Variants in GPC3 observed in about 807,000 individuals in gnomAD.
GPC3 encodes the protein glypican 3, also known as glypican-3.
In GPC3, 3 loss-of-function variants were observed where a neutral mutation model predicts 34.4. The ratio of observed to expected loss-of-function variants is 0.09; its 90% CI spans 0.04 to 0.23. The LOEUF is 0.23. GPC3 is among the 10% of genes least tolerant of loss of function. The probability of loss-of-function intolerance (pLI) is 1.00; values close to 1 mark genes in which losing one functional copy is unlikely to be tolerated. For synonymous variants in GPC3, 177 were observed against 174.0 expected (o/e 1.02, Z -0.13); for missense variants, 351 against 445.6 (o/e 0.79, Z 1.91).
intron 2 of GPC3, among the ~76,000 whole-genome samples, chrX:133,844,928 G>A (rs959919367): frequency 9.0e-6 from 1 of 111,679 alleles, no homozygotes; most frequent in African/African-American, 3.3e-5. Context: ...TCAGCTGGTG[G>A]GAGCTATAGA....
chrX:133,572,370 T>A (rs991641317), intron 7 of GPC3, among the ~76,000 whole-genome samples: 1 of 111,224 alleles, frequency 9.0e-6, no homozygotes, highest in Non-Finnish European at 1.9e-5. Context: ...ATGGCTATGA[T>A]CACCTACATT....
intron 7 of GPC3, among the ~76,000 whole-genome samples, chrX:133,577,309 C>T (rs2069692979): frequency 8.9e-6 from 1 of 112,200 alleles, no homozygotes; most frequent in Admixed American, 9.5e-5. Flanking sequence ...ATAAACACGG[C>T]ATGAGAAAGC....
At chrX:133,834,599 G>T (rs1478635518) in intron 2 of GPC3, among the ~76,000 whole-genome samples, 15 of 111,934 alleles carry the variant, frequency 1.3e-4, no homozygotes, top group Non-Finnish European at 7.5e-5. Context: ...AAGTGGGCAT[G>T]ATAGCTAGAT....
intron 2 of GPC3, among the ~76,000 whole-genome samples, chrX:133,862,691 A>AAATAATAATAAT (rs770674766): frequency 3.7e-5 from 4 of 107,985 alleles, no homozygotes; most frequent in African/African-American, 6.8e-5. Flanking sequence ...CTCCATCTCA[A>AAATAATAATAAT]AATAATAATA....
chrX:133,544,924 G>A (rs1361064493), intron 7 of GPC3, among the ~76,000 whole-genome samples: 1 of 111,459 alleles, frequency 9.0e-6, no homozygotes, highest in African/African-American at 3.3e-5. Context: ...TGTGGGTAAT[G>A]TGGGTGGTGG....
chrX:133,958,880 C>T (rs1382992174), intron 1 of GPC3, among the ~76,000 whole-genome samples: 4 of 99,668 alleles, frequency 4.0e-5, no homozygotes, highest in South Asian at 9.7e-4. Context: ...AGTGAGACTT[C>T]GTCTCGAAAA....
At chrX:133,841,725 G>A (rs1244123712) in intron 2 of GPC3, among the ~76,000 whole-genome samples, 1 of 111,980 alleles carries the variant, frequency 8.9e-6, no homozygotes, top group Non-Finnish European at 1.9e-5. Flanking sequence ...AGGTGTGTCT[G>A]TGTGGGTGTT....
intron 6 of GPC3, among the ~76,000 whole-genome samples, chrX:133,604,600 C>A (rs1202834824): frequency 9.0e-6 from 1 of 111,321 alleles, no homozygotes; most frequent in Non-Finnish European, 1.9e-5. Context: ...TAAGAGTTTG[C>A]TTGACTTTAA....
chrX:133,679,632 G>A (rs1347036455), intron 5 of GPC3, among the ~76,000 whole-genome samples: 1 of 110,717 alleles, frequency 9.0e-6, no homozygotes, highest in Non-Finnish European at 1.9e-5. Context: ...GGAAGACACA[G>A]TACTACTATT....
intron 1 of GPC3, among the ~76,000 whole-genome samples, chrX:133,958,908 CA>C (rs2076430150): frequency 9.1e-6 from 1 of 109,730 alleles, no homozygotes; most frequent in African/African-American, 3.3e-5. Flanking sequence ...AAAAAAATTC[CA>C]AACATCTTGA....
At chrX:133,792,521 A>G (rs772196547) in intron 2 of GPC3, among the ~76,000 whole-genome samples, 34 of 110,686 alleles carry the variant, frequency 3.1e-4, no homozygotes, top group Middle Eastern at 9.3e-3. Flanking sequence ...TCAAACAGGC[A>G]CCTCCCAAGT....
At chrX:133,581,000 C>A (rs1157001336) in intron 7 of GPC3, among the ~76,000 whole-genome samples, 2 of 112,223 alleles carry the variant, frequency 1.8e-5, no homozygotes, top group Non-Finnish European at 3.8e-5. Context: ...GAGTTCCACT[C>A]GAACTCTATG....
chrX:133,870,602 TTC>T (rs1420273497), intron 2 of GPC3, among the ~76,000 whole-genome samples: 1 of 110,413 alleles, frequency 9.1e-6, no homozygotes, highest in African/African-American at 3.4e-5. Flanking sequence ...CGAATGATAT[TTC>T]TCTGATAAAA....
At chrX:133,619,757 T>C (rs2124356475) in intron 6 of GPC3, among the ~76,000 whole-genome samples, 1 of 110,944 alleles carries the variant, frequency 9.0e-6, no homozygotes, top group Admixed American at 9.6e-5. Context: ...ACTTGGTCAA[T>C]ATACTAATAA....
chrX:133,756,921 C>T (rs1008685656), intron 2 of GPC3, among the ~76,000 whole-genome samples: 1 of 112,119 alleles, frequency 8.9e-6, no homozygotes, highest in African/African-American at 3.2e-5. Context: ...CAACACTAGG[C>T]GAAAAGCAAT....
chrX:133,913,694 A>T (rs1166208240), intron 2 of GPC3, among the ~76,000 whole-genome samples: 3 of 111,812 alleles, frequency 2.7e-5, no homozygotes, highest in African/African-American at 9.8e-5. Flanking sequence ...CAACAAAGGG[A>T]GGCCAACCTT....
intron 1 of GPC3, among the ~76,000 whole-genome samples, chrX:133,958,215 A>C (rs1479406307): frequency 8.9e-6 from 1 of 111,776 alleles, no homozygotes. Flanking sequence ...GAGAATACTA[A>C]CAAAGAACTT....
At chrX:133,581,357 T>C (rs902119040) in intron 7 of GPC3, among the ~76,000 whole-genome samples, 5 of 112,311 alleles carry the variant, frequency 4.5e-5, no homozygotes, top group African/African-American at 1.6e-4. Context: ...ACAGAAATTT[T>C]CTCTCACTCA....
intron 2 of GPC3, among the ~76,000 whole-genome samples, chrX:133,824,943 C>T (rs2075739004): frequency 8.9e-6 from 1 of 112,190 alleles, no homozygotes; most frequent in Non-Finnish European, 1.9e-5. Context: ...GCAACCTCTG[C>T]CTCCCAGGTT....
Sources: allele counts gnomAD v4.1 joint callset (sites outside exome capture counted in the v4.1 genomes callset), GRCh38; gene constraint gnomAD v4.1.1; transcripts MANE v1.5; gene names NCBI Gene and HGNC (gene_info 2026-07-23, HGNC 2026-07-21).